The following PPP2R2B variants were observed in gnomAD, a reference collection of about 807,000 sequenced individuals.
PPP2R2B encodes protein phosphatase 2 regulatory subunit Bbeta.
Under a neutral mutation model 46.0 loss-of-function variants are expected in PPP2R2B, and 5 were observed. The observed-to-expected ratio is 0.11, with a 90% CI of 0.06 to 0.23. The LOEUF (loss-of-function observed/expected upper bound fraction) is 0.23, where lower values mean the gene tolerates loss of function less well. Among genes scored for constraint, PPP2R2B ranks in the 10% least tolerant of loss-of-function variants. PPP2R2B has a pLI of 1.00. For synonymous variants in PPP2R2B, 215 were observed against 206.7 expected, an observed-to-expected ratio of 1.04 and a Z score of -0.34; for missense variants, 367 against 575.0, an observed-to-expected ratio of 0.64 and a Z score of 3.70.
intron 1 of PPP2R2B, among the ~76,000 whole-genome samples, chr5:146,995,725 G>A (rs960352819): frequency 6.6e-6 from 1 of 152,124 alleles, no homozygotes; most frequent in Non-Finnish European, 1.5e-5. Context: ...ATACATAAGA[G>A]ATAAAACATT....
chr5:146,589,776 G>T lies in PPP2R2B; in HGVS notation c.*171C>A, dbSNP rs1770412893. ...CCCAAACCTATTGGGTTTGACAAAA[G>T]TTTCTTAGAACTGGGGAGCTGGGAA... On this transcript the variant is annotated 3_prime_UTR_variant, in exon 10 of 10. Transcript: ENST00000394411. 2 of 714,696 alleles carry T rather than the reference G, an allele frequency of 2.8e-6. No homozygotes were observed. Among genetic ancestry groups the T allele is most frequent in the South Asian group, 3.9e-5 (2 of 51,486 alleles). 44.3% of individuals were successfully genotyped at this position (714,696 alleles called of 1,614,324 possible). A position where few individuals can be genotyped will look rare whatever the true frequency, so the allele number is the denominator to read the frequency against.
At chr5:146,592,272 A>G (rs1770736752) in intron 9 of PPP2R2B, 2 of 301,840 alleles carry the variant, frequency 6.6e-6, no homozygotes, top group Non-Finnish European at 1.3e-5. Flanking sequence ...GAGACAGTTC[A>G]TATTCACTGA....
chr5:146,723,032 C>G (rs989915687), intron 2 of PPP2R2B, among the ~76,000 whole-genome samples: 3 of 152,164 alleles, frequency 2.0e-5, no homozygotes, highest in African/African-American at 7.2e-5. Flanking sequence ...TCCAGGAAGT[C>G]TTCCTTGACT....
chr5:146,812,983 G>T (rs1757719595), intron 2 of PPP2R2B, among the ~76,000 whole-genome samples: 1 of 149,350 alleles, frequency 6.7e-6, no homozygotes, highest in East Asian at 2.0e-4. Flanking sequence ...TTCAAGATGA[G>T]ATTTGGGTGG....
chr5:147,003,661 TC>T (rs1439299115), intron 1 of PPP2R2B, among the ~76,000 whole-genome samples: 1 of 152,052 alleles, frequency 6.6e-6, no homozygotes, highest in Non-Finnish European at 1.5e-5. Flanking sequence ...CAGCAAGCCA[TC>T]CCCAGTATGG....
At chr5:146,911,220 A>G (rs1763170324) in intron 1 of PPP2R2B, among the ~76,000 whole-genome samples, 1 of 152,070 alleles carries the variant, frequency 6.6e-6, no homozygotes, top group South Asian at 2.1e-4. Flanking sequence ...AGTAGCTGAG[A>G]CAACAGGTGC....
chr5:146,650,451 G>T, intron 6 of PPP2R2B, 96 bp downstream of exon 6: 1 of 1,123,100 alleles, frequency 8.9e-7, no homozygotes, highest in Non-Finnish European at 1.3e-6. Context: ...GCAAATGCTA[G>T]GTGTTGCATT....
chr5:146,979,439 C>T (rs930472610), intron 1 of PPP2R2B, among the ~76,000 whole-genome samples: 2 of 151,992 alleles, frequency 1.3e-5, no homozygotes, highest in Non-Finnish European at 2.9e-5. Context: ...ACTTATTTTG[C>T]TCACTGCTGT....
chr5:146,828,633 G>A (rs188737469), intron 2 of PPP2R2B, among the ~76,000 whole-genome samples: 42 of 152,294 alleles, frequency 2.8e-4, no homozygotes, highest in African/African-American at 9.9e-4. Flanking sequence ...GATAATACCA[G>A]AGAGTGACTG....
intron 1 of PPP2R2B, among the ~76,000 whole-genome samples, chr5:146,974,228 T>C (rs996079621): frequency 6.6e-6 from 1 of 152,210 alleles, no homozygotes; most frequent in Non-Finnish European, 1.5e-5. Flanking sequence ...TAGGTTTAGT[T>C]CACACTACTA....
intron 1 of PPP2R2B, among the ~76,000 whole-genome samples, chr5:146,963,752 C>T (rs1302454771): frequency 2.6e-5 from 4 of 152,190 alleles, no homozygotes; most frequent in South Asian, 4.1e-4. Flanking sequence ...TAACACCTTG[C>T]ACAGCCTAAA....
At chr5:146,594,147 T>C (rs565575951) in intron 8 of PPP2R2B, among the ~76,000 whole-genome samples, 6 of 152,212 alleles carry the variant, frequency 3.9e-5, no homozygotes, top group Non-Finnish European at 8.8e-5. Context: ...CATGTGGAGC[T>C]GTCGAGTAGA....
chr5:146,867,718 C>T (rs1483616299), intron 2 of PPP2R2B, among the ~76,000 whole-genome samples: 2 of 152,114 alleles, frequency 1.3e-5, no homozygotes, highest in Non-Finnish European at 2.9e-5. Context: ...CGCACCCTGG[C>T]TTCTGTGGTT....
intron 2 of PPP2R2B, among the ~76,000 whole-genome samples, chr5:146,708,027 C>A (rs1779975904): frequency 6.6e-6 from 1 of 152,116 alleles, no homozygotes. Context: ...TTTTAGCACT[C>A]ATCTCAGCAG....
At chr5:146,968,690 G>T (rs1390944302) in intron 1 of PPP2R2B, among the ~76,000 whole-genome samples, 1 of 152,080 alleles carries the variant, frequency 6.6e-6, no homozygotes, top group Admixed American at 6.5e-5. Context: ...TCAGTTTCTT[G>T]AGTCTAGACA....
intron 1 of PPP2R2B, among the ~76,000 whole-genome samples, chr5:147,026,293 G>A (rs1271893071): frequency 6.6e-6 from 1 of 152,040 alleles, no homozygotes; most frequent in Non-Finnish European, 1.5e-5. Flanking sequence ...GCAATAAAAA[G>A]ATCGAACTAT....
At chr5:146,984,891 A>G (rs1157082187) in intron 1 of PPP2R2B, among the ~76,000 whole-genome samples, 2 of 151,632 alleles carry the variant, frequency 1.3e-5, no homozygotes, top group African/African-American at 4.8e-5. Context: ...AAAAATGTCT[A>G]TTCAGGTCCC....
rs10591869 is a variant in PPP2R2B at position 146,878,727 on chromosome 5, A to AGCTGCTGCT, written c.-270_-262dup. 0.13 allele frequency: 163,953 copies of AGCTGCTGCT among 1,289,898 alleles called. 7,109 individuals carry two copies. The highest frequency in any genetic ancestry group is 0.2 in the South Asian group (15,441 of 76,556). 79.9% of individuals were successfully genotyped at this position (1,289,898 alleles called of 1,614,324 possible). A position where few individuals can be genotyped will look rare whatever the true frequency, so the allele number is the denominator to read the frequency against. The stretch of plus-strand genomic sequence containing the variant: ...CTCACACCCACACGCGCGCACTCGC[A>AGCTGCTGCT]GCTGCTGCTGCTGCTGCTGCTGCTG... On this transcript the variant is annotated 5_prime_UTR_variant, in exon 1 of 10. Coordinates refer to ENST00000394411, the MANE Select transcript of PPP2R2B (RefSeq NM_181675.4). This position sits in a 1 kb window ranked among gnomAD's most constrained non-coding sequence, Gnocchi z 4.5.
At chr5:146,687,463 G>C (rs1236639342) in intron 5 of PPP2R2B, among the ~76,000 whole-genome samples, 1 of 152,080 alleles carries the variant, frequency 6.6e-6, no homozygotes, top group African/African-American at 2.4e-5. Flanking sequence ...GCAGCGTGGT[G>C]CATGGTATAT....
Sources: gnomAD v4.1 joint callset for allele counts (sites outside exome capture counted in the v4.1 genomes callset) on GRCh38, gnomAD v4.1.1 for gene constraint, Gnocchi (gnomAD v3.1) non-coding constraint, MANE v1.5 for transcripts, NCBI Gene and HGNC (gene_info 2026-07-23, HGNC 2026-07-21) for gene names.